RBFOX1: variants seen among roughly 807,000 people sequenced by gnomAD.
RBFOX1 encodes the protein RNA binding fox-1 homolog 1.
In RBFOX1, 8 loss-of-function variants were observed where a neutral mutation model predicts 57.7. That is an observed-to-expected ratio of 0.14 (90% CI 0.08 to 0.25). The LOEUF is 0.25. Among genes scored for constraint, RBFOX1 ranks in the 10% least tolerant of loss-of-function variants. The probability of loss-of-function intolerance (pLI) is 1.00; values close to 1 mark genes in which losing one functional copy is unlikely to be tolerated. For synonymous variants in RBFOX1, 326 were observed against 222.4 expected (o/e 1.47, Z -4.15); for missense variants, 611 against 548.5 (o/e 1.11, Z -1.14).
At chr16:5,853,829 C>T (rs905878620) in intron 3 of RBFOX1, among the ~76,000 whole-genome samples, 1 of 152,162 alleles carries the variant, frequency 6.6e-6, no homozygotes, top group African/African-American at 2.4e-5. Context: ...AATCATAACT[C>T]ACTGCAGCCT....
At chr16:6,943,580 T>C (rs902227172) in intron 3 of RBFOX1, among the ~76,000 whole-genome samples, 2 of 151,728 alleles carry the variant, frequency 1.3e-5, no homozygotes, top group South Asian at 2.1e-4. Context: ...CGGTGGCGGG[T>C]GCCTGTAGTC....
chr16:7,021,883 C>CTTTCTTTCTTTCT (rs1568406731), intron 3 of RBFOX1, among the ~76,000 whole-genome samples: 4 of 123,990 alleles, frequency 3.2e-5, no homozygotes, highest in Non-Finnish European at 4.8e-5. Flanking sequence ...CTTTCTCTCT[C>CTTTCTTTCTTTCT]TTTCTTTCTT....
intron 3 of RBFOX1, among the ~76,000 whole-genome samples, chr16:6,674,778 G>A (rs1454745879): frequency 6.6e-6 from 1 of 152,210 alleles, no homozygotes; most frequent in African/African-American, 2.4e-5. Context: ...AAGAGGCAAG[G>A]AAGGATTCTT....
chr16:5,272,667 G>A (rs1416690935), intron 1 of RBFOX1, among the ~76,000 whole-genome samples: 1 of 152,196 alleles, frequency 6.6e-6, no homozygotes, highest in Non-Finnish European at 1.5e-5. Context: ...CTTCATTTGA[G>A]ATGTGGGGCC....
At chr16:5,455,429 A>G (rs1039242548) in intron 1 of RBFOX1, among the ~76,000 whole-genome samples, 2 of 152,072 alleles carry the variant, frequency 1.3e-5, no homozygotes, top group Non-Finnish European at 1.5e-5. Flanking sequence ...CCCAGATTCA[A>G]AGGAAGGTAT....
At chr16:6,595,667 T>A (rs958356515) in intron 2 of RBFOX1, among the ~76,000 whole-genome samples, 4 of 152,184 alleles carry the variant, frequency 2.6e-5, no homozygotes, top group African/African-American at 9.7e-5. Flanking sequence ...CATTTTACAT[T>A]CCCACCAGCA....
intron 4 of RBFOX1, among the ~76,000 whole-genome samples, chr16:7,201,370 A>G (rs751344444): frequency 3.2e-4 from 49 of 152,232 alleles, no homozygotes; most frequent in Non-Finnish European, 5.9e-4. Context: ...ATTGTGGGCT[A>G]TGTTAAGAAG....
At chr16:6,506,756 C>T (rs2096106577) in intron 2 of RBFOX1, among the ~76,000 whole-genome samples, 1 of 147,976 alleles carries the variant, frequency 6.8e-6, no homozygotes, top group South Asian at 2.2e-4. Context: ...AGGTGATTCT[C>T]AGGCCTTACC....
chr16:5,355,075 AAGAG>A (rs918644216), intron 1 of RBFOX1, among the ~76,000 whole-genome samples: 3 of 151,740 alleles, frequency 2.0e-5, no homozygotes, highest in South Asian at 2.1e-4. Flanking sequence ...AGAGAGAAAT[AAGAG>A]AGAATAAAAG....
chr16:6,562,102 C>T (rs530209759), intron 2 of RBFOX1, among the ~76,000 whole-genome samples: 83 of 152,170 alleles, frequency 5.5e-4, no homozygotes, highest in Non-Finnish European at 2.9e-4. Flanking sequence ...CTACTGATGT[C>T]GGCTGCATGG....
At chr16:6,781,565 C>T (rs1233362074) in intron 3 of RBFOX1, among the ~76,000 whole-genome samples, 1 of 152,054 alleles carries the variant, frequency 6.6e-6, no homozygotes. Context: ...CTGGCCTTTT[C>T]TCTGGTGAGA....
At chr16:6,839,852 G>C (rs11641668) in intron 3 of RBFOX1, among the ~76,000 whole-genome samples, 4 of 152,078 alleles carry the variant, frequency 2.6e-5, no homozygotes, top group Admixed American at 6.5e-5. Flanking sequence ...CTGTTCTTAC[G>C]TGATATTTGG....
chr16:6,675,580 G>A lies in RBFOX1; in HGVS notation c.-16+20930G>A, dbSNP rs1409511911. 4.6e-5 allele frequency among the ~76,000 whole-genome samples: 7 copies of A among 152,270 alleles called. No homozygotes were observed. The South Asian group carries it at 8.3e-4, about 18-fold the overall frequency. ...CTGTTTTCACACTGCTGATAAAGATGTACCTGAGACTGGGTAATTTGTAAA... is the reference window on the plus strand; with the variant it reads ...CTGTTTTCACACTGCTGATAAAGATATACCTGAGACTGGGTAATTTGTAAA... On this transcript the variant is annotated intron_variant, in intron 3 of 15. Transcript: ENST00000550418.
intron 1 of RBFOX1, among the ~76,000 whole-genome samples, chr16:5,244,990 T>C (rs932872338): frequency 1.7e-4 from 26 of 152,234 alleles, no homozygotes; most frequent in African/African-American, 5.5e-4. Context: ...GATCTTGATA[T>C]GTGTTTCTCA....
chr16:7,313,219 A>G (rs1480135368), intron 4 of RBFOX1, among the ~76,000 whole-genome samples: 2 of 152,310 alleles, frequency 1.3e-5, no homozygotes, highest in Admixed American at 1.3e-4. Context: ...AGGTTCCCTC[A>G]ACCAAATAAT....
chr16:7,655,733 G>A (rs760329672), intron 12 of RBFOX1, among the ~76,000 whole-genome samples: 10 of 152,080 alleles, frequency 6.6e-5, no homozygotes, highest in Non-Finnish European at 1.0e-4. Context: ...ATTGTTCTCA[G>A]TACATGGGAG....
chr16:7,357,228 G>C (rs1015570799), intron 4 of RBFOX1, among the ~76,000 whole-genome samples: 1 of 132,790 alleles, frequency 7.5e-6, no homozygotes, highest in African/African-American at 3.2e-5. Flanking sequence ...GTCGGCAGGA[G>C]AAATGGAAAA....
At chr16:6,860,847 G>A (rs2058862279) in intron 3 of RBFOX1, among the ~76,000 whole-genome samples, 1 of 151,986 alleles carries the variant, frequency 6.6e-6, no homozygotes, top group South Asian at 2.1e-4. Flanking sequence ...ACAGTAAAAT[G>A]TTTTCAAAAA....
chr16:7,442,318 G>A (rs972570685), intron 4 of RBFOX1, among the ~76,000 whole-genome samples: 7 of 152,114 alleles, frequency 4.6e-5, no homozygotes, highest in East Asian at 1.9e-4. Flanking sequence ...GCAGCAGTCC[G>A]TCTCCCAGCA....
Sources: gnomAD v4.1 joint callset for allele counts (sites outside exome capture counted in the v4.1 genomes callset) on GRCh38, gnomAD v4.1.1 for gene constraint, MANE v1.5 for transcripts, NCBI Gene and HGNC (gene_info 2026-07-23, HGNC 2026-07-21) for gene names.